IGSF11: variants seen among roughly 807,000 people sequenced by gnomAD.
IGSF11 encodes the protein CXADR like 1.
In IGSF11, 22 loss-of-function variants were observed where a neutral mutation model predicts 41.0. The observed-to-expected ratio is 0.54, with a 90% confidence interval of 0.38 to 0.77. The LOEUF (loss-of-function observed/expected upper bound fraction) is 0.77, where lower values mean the gene tolerates loss of function less well. Among genes scored for constraint, IGSF11 ranks in the 30% least tolerant of loss-of-function variants. The pLI, the probability that IGSF11 is intolerant of heterozygous loss-of-function variation, is 0.00. For missense variants in IGSF11, 444 were observed against 530.8 expected (o/e 0.84, Z 1.61); for synonymous variants, 219 against 201.3 (o/e 1.09, Z -0.74).
At chr3:118,906,419 TG>T (rs770828137) in intron 4 of IGSF11, among the ~76,000 whole-genome samples, 1 of 152,162 alleles carries the variant, frequency 6.6e-6, no homozygotes, top group Admixed American at 6.5e-5. Flanking sequence ...ACCAGGCAGA[TG>T]GGGAGTCCCT....
chr3:119,013,178 C>T (rs893226856), intron 1 of IGSF11: 1 of 152,246 alleles, frequency 6.6e-6, no homozygotes, highest in Non-Finnish European at 1.5e-5. Context: ...CTAATCACAT[C>T]TTGGAGGATA....
intron 1 of IGSF11, among the ~76,000 whole-genome samples, chr3:118,966,570 A>G (rs1248515921): frequency 6.6e-6 from 1 of 152,214 alleles, no homozygotes; most frequent in Non-Finnish European, 1.5e-5. Context: ...ACTACAGACT[A>G]GAATTAAAAA....
chr3:119,000,726 G>A (rs190900204), intron 1 of IGSF11, among the ~76,000 whole-genome samples: 4 of 152,136 alleles, frequency 2.6e-5, no homozygotes, highest in Middle Eastern at 3.4e-3. Context: ...AAGGGAGAAG[G>A]GCATTAACAA....
At chr3:118,959,295 T>A (rs531101611) in intron 1 of IGSF11, among the ~76,000 whole-genome samples, 6 of 152,144 alleles carry the variant, frequency 3.9e-5, no homozygotes, top group Non-Finnish European at 7.4e-5. Context: ...TGAGATTACA[T>A]ATGCTACTGG....
intron 1 of IGSF11, among the ~76,000 whole-genome samples, chr3:119,077,414 A>G (rs139660063): frequency 3.3e-5 from 5 of 152,246 alleles, no homozygotes; most frequent in Admixed American, 2.6e-4. Context: ...ACTTAAAATG[A>G]AAGAAAAAAG....
intron 1 of IGSF11, among the ~76,000 whole-genome samples, chr3:119,059,622 G>T (rs187603804): frequency 3.9e-5 from 6 of 152,186 alleles, no homozygotes; most frequent in Admixed American, 3.3e-4. Flanking sequence ...GGTATTGGTG[G>T]ATGTGAGGCA....
intron 4 of IGSF11, among the ~76,000 whole-genome samples, chr3:118,906,008 T>C (rs563257003): frequency 7.2e-5 from 11 of 152,276 alleles, no homozygotes; most frequent in Admixed American, 2.6e-4. Flanking sequence ...CCTGAGGAAA[T>C]GGTAGCTAAT....
intron 1 of IGSF11, among the ~76,000 whole-genome samples, chr3:118,983,167 T>C (rs1934913566): frequency 6.6e-6 from 1 of 152,226 alleles, no homozygotes; most frequent in Non-Finnish European, 1.5e-5. Flanking sequence ...CACAATAAGA[T>C]ATTAACTGTA....
intron 1 of IGSF11, among the ~76,000 whole-genome samples, chr3:119,044,816 C>A (rs951033371): frequency 6.6e-6 from 1 of 152,084 alleles, no homozygotes; most frequent in South Asian, 2.1e-4. Context: ...GCTTCATAAA[C>A]GAAGGAGAGA....
chr3:118,969,554 A>C (rs1933138437), intron 1 of IGSF11, among the ~76,000 whole-genome samples: 1 of 152,154 alleles, frequency 6.6e-6, no homozygotes, highest in Non-Finnish European at 1.5e-5. Context: ...CCCGTGAAAA[A>C]AGCAAGATTA....
At chr3:119,004,912 T>C (rs932806744) in intron 1 of IGSF11, among the ~76,000 whole-genome samples, 2 of 152,046 alleles carry the variant, frequency 1.3e-5, no homozygotes, top group Non-Finnish European at 2.9e-5. Flanking sequence ...ATAGGTGTGG[T>C]GTGGTGCTGA....
intron 1 of IGSF11, among the ~76,000 whole-genome samples, chr3:119,000,515 T>C (rs1483036677): frequency 4.7e-5 from 7 of 148,644 alleles, no homozygotes. Context: ...ATCTTAGTCA[T>C]CCTTGACTAT....
At chr3:119,071,983 T>A (rs1169986523) in intron 1 of IGSF11, among the ~76,000 whole-genome samples, 2 of 152,214 alleles carry the variant, frequency 1.3e-5, no homozygotes, top group African/African-American at 2.4e-5. Flanking sequence ...TCTTTCTACT[T>A]ATTTAGGTAT....
chr3:119,074,708 C>T (rs111688314), intron 1 of IGSF11, among the ~76,000 whole-genome samples: 11,576 of 151,654 alleles, frequency 0.076, 574 homozygotes, highest in Admixed American at 0.16. Flanking sequence ...AAAAATTAGC[C>T]GGGCATGGTG....
In IGSF11 at chr3:119,125,599, A is replaced by G. The variant is rs373090701; in HGVS notation, c.-14+20214T>C. On this transcript the variant is annotated intron_variant, in intron 1 of 7. Transcript: ENST00000425327. ...AGGGATGGGGAATATCACAAAGTAC[A>G]TTATCACAAGGGCGGGGGAATGTCA... 5.3e-5 allele frequency among the ~76,000 whole-genome samples: 8 copies of G among 152,306 alleles called. No homozygotes were observed. The East Asian group carries it at 1.4e-3, about 26-fold the overall frequency.
At chr3:118,986,446 T>A (rs1235770458) in intron 1 of IGSF11, among the ~76,000 whole-genome samples, 2 of 152,246 alleles carry the variant, frequency 1.3e-5, no homozygotes, top group African/African-American at 4.8e-5. Flanking sequence ...ATACTATCTG[T>A]AACATTTTCT....
chr3:118,955,619 C>CT (rs950515693), intron 1 of IGSF11, among the ~76,000 whole-genome samples: 10 of 151,530 alleles, frequency 6.6e-5, no homozygotes, highest in South Asian at 2.1e-4. Context: ...CGAAAAGAAT[C>CT]TTTTTTTTTC....
At chr3:119,144,987 T>G (rs948447502) in intron 1 of IGSF11, among the ~76,000 whole-genome samples, 1 of 152,238 alleles carries the variant, frequency 6.6e-6, no homozygotes, top group Non-Finnish European at 1.5e-5. Context: ...AATGGTGTCA[T>G]GCATTTTTAA....
chr3:118,937,725 A>G (rs1227240721), intron 1 of IGSF11, among the ~76,000 whole-genome samples: 1 of 152,210 alleles, frequency 6.6e-6, no homozygotes, highest in Non-Finnish European at 1.5e-5. Context: ...TACAACGGCA[A>G]GCTACCATAA....
Sources: gnomAD v4.1 joint callset for allele counts (sites outside exome capture counted in the v4.1 genomes callset) on GRCh38, gnomAD v4.1.1 for gene constraint, MANE v1.5 for transcripts, NCBI Gene and HGNC (gene_info 2026-07-23, HGNC 2026-07-21) for gene names.